LRP1B: variants seen among roughly 807,000 people sequenced by gnomAD.
LRP1B encodes low-density lipoprotein receptor-related protein 1B.
A neutral mutation model predicts 556.6 loss-of-function variants in LRP1B; 217 were observed. That is an observed-to-expected ratio of 0.39 (90% CI 0.35 to 0.44). The LOEUF is 0.44. LRP1B is among the 20% of genes least tolerant of loss of function. The pLI is 1.00. For synonymous variants in LRP1B, 2,047 were observed against 1,865.8 expected, an observed-to-expected ratio of 1.10 and a Z score of -2.50; for missense variants, 5,053 against 5,620.8, an observed-to-expected ratio of 0.90 and a Z score of 3.23.
Position 141,295,847 on chromosome 2 carries a change from C to G in LRP1B, c.344-41206G>C, listed in dbSNP as rs144802910. Among the ~76,000 whole-genome samples, 513 of 150,884 alleles carry G rather than the reference C, an allele frequency of 3.4e-3. 3 individuals carry two copies. Among genetic ancestry groups the G allele is most frequent in the African/African-American group, 0.012 (488 of 41,114 alleles). ...GCCAAGCTTAATTTTCTGTTGCTGACTTCAGAAGACCTCTTTCAAAGTATG... is the reference window on the plus strand; with the variant it reads ...GCCAAGCTTAATTTTCTGTTGCTGAGTTCAGAAGACCTCTTTCAAAGTATG... On this transcript the variant is annotated intron_variant, in intron 3 of 90. Coordinates refer to ENST00000389484, the MANE Select transcript of LRP1B (RefSeq NM_018557.3).
intron 3 of LRP1B, among the ~76,000 whole-genome samples, chr2:141,259,018 G>T (rs1684587527): frequency 6.6e-6 from 1 of 152,130 alleles, no homozygotes; most frequent in Admixed American, 6.6e-5. Flanking sequence ...TTGCAAAAGA[G>T]AGTATTATTA....
At chr2:140,945,463 A>G (rs1409003437) in intron 20 of LRP1B, among the ~76,000 whole-genome samples, 4 of 152,174 alleles carry the variant, frequency 2.6e-5, no homozygotes, top group African/African-American at 9.7e-5. Flanking sequence ...AAACTATACT[A>G]CAAGGCTACA....
intron 1 of LRP1B, among the ~76,000 whole-genome samples, chr2:141,840,237 A>T (rs1380021306): frequency 1.3e-5 from 2 of 148,626 alleles, no homozygotes. Flanking sequence ...TCATTAGGTC[A>T]TCGTATTAGA....
chr2:141,158,676 G>T (rs532829314), intron 7 of LRP1B, among the ~76,000 whole-genome samples: 1 of 152,084 alleles, frequency 6.6e-6, no homozygotes, highest in African/African-American at 2.4e-5. Flanking sequence ...GTACTAAGCA[G>T]CTACAGTATA....
Position 140,233,342 on chromosome 2 carries a change from A to T in LRP1B, c.13660-16T>A. The T allele has an allele frequency of 1.9e-6, 3 of 1,548,098 alleles. No individual in the cohort carries two copies. Among genetic ancestry groups the T allele is most frequent in the South Asian group, 1.2e-5 (1 of 81,772 alleles). ...AATTTGTTGGCTGAAGGAGAAAAAA[A>T]ATAAATATAATTTTATTACTGGTCT... is the stretch of plus-strand genomic sequence containing the variant. On this transcript the variant is annotated splice_polypyrimidine_tract_variant and intron_variant, in intron 90 of 90. Coordinates refer to ENST00000389484, the MANE Select transcript of LRP1B (RefSeq NM_018557.3).
chr2:141,760,010 T>G (rs1694477852), intron 2 of LRP1B, among the ~76,000 whole-genome samples: 1 of 152,130 alleles, frequency 6.6e-6, no homozygotes, highest in Admixed American at 6.5e-5. Flanking sequence ...GCGTCTATAA[T>G]CCCAGCTACT....
chr2:141,147,808 A>C (rs929471179), intron 7 of LRP1B, among the ~76,000 whole-genome samples: 1 of 152,194 alleles, frequency 6.6e-6, no homozygotes, highest in African/African-American at 2.4e-5. Flanking sequence ...GCCAATGATA[A>C]ACTGCATACA....
chr2:140,519,685 T>C (rs565646912), intron 49 of LRP1B, among the ~76,000 whole-genome samples: 1 of 152,246 alleles, frequency 6.6e-6, no homozygotes, highest in South Asian at 2.1e-4. Flanking sequence ...ACCTACAGAA[T>C]GGGAGAAAAT....
chr2:142,079,589 C>T (rs113614621), intron 1 of LRP1B, among the ~76,000 whole-genome samples: 5,241 of 152,014 alleles, frequency 0.034, 301 homozygotes, highest in African/African-American at 0.12. Context: ...CTCACTGCAA[C>T]CTCCGCCTCC....
At chr2:140,354,633 G>C (rs1356367120) in intron 75 of LRP1B, among the ~76,000 whole-genome samples, 1 of 151,916 alleles carries the variant, frequency 6.6e-6, no homozygotes, top group Admixed American at 6.6e-5. Flanking sequence ...TATTCTGCAT[G>C]ATTTCATACA....
chr2:141,138,949 C>A (rs1160486742), intron 7 of LRP1B, among the ~76,000 whole-genome samples: 2 of 151,718 alleles, frequency 1.3e-5, no homozygotes, highest in African/African-American at 2.4e-5. Context: ...ATAAGAGTGC[C>A]TAATTTTAAG....
chr2:141,208,752 C>T (rs1399171588), intron 6 of LRP1B, among the ~76,000 whole-genome samples: 2 of 151,478 alleles, frequency 1.3e-5, no homozygotes, highest in Admixed American at 6.6e-5. Context: ...GCCTGTAGTC[C>T]CAGCTACTGG....
intron 3 of LRP1B, among the ~76,000 whole-genome samples, chr2:141,319,040 T>C (rs1232902846): frequency 6.6e-6 from 1 of 152,082 alleles, no homozygotes; most frequent in African/African-American, 2.4e-5. Context: ...GTCTTCCAAT[T>C]GTAAGAGACC....
At chr2:141,387,819 G>A (rs1025313410) in intron 3 of LRP1B, among the ~76,000 whole-genome samples, 5 of 152,082 alleles carry the variant, frequency 3.3e-5, no homozygotes, top group African/African-American at 7.2e-5. Flanking sequence ...AATGAGATAT[G>A]TATTTCCTAA....
chr2:142,082,661 A>G (rs956800), intron 1 of LRP1B, among the ~76,000 whole-genome samples: 37,296 of 152,140 alleles, frequency 0.25, 4,871 homozygotes, highest in Non-Finnish European at 0.26. Flanking sequence ...GTGACACCAG[A>G]CAAGCTCAAT....
At chr2:141,785,721 GTTCT>G (rs1008778924) in intron 2 of LRP1B, among the ~76,000 whole-genome samples, 1 of 151,000 alleles carries the variant, frequency 6.6e-6, no homozygotes, top group Admixed American at 6.7e-5. Context: ...TCCGTATATA[GTTCT>G]TTCTATTCTT....
intron 25 of LRP1B, 114 bp from the exon 26 acceptor site, chr2:140,868,377 G>T: frequency 1.1e-6 from 1 of 944,490 alleles, no homozygotes; most frequent in East Asian, 2.8e-5. Context: ...AGTCACAAGA[G>T]AAACAGATGT....
chr2:141,217,943 AAAG>A (rs1274680906), intron 6 of LRP1B, among the ~76,000 whole-genome samples: 2 of 152,170 alleles, frequency 1.3e-5, no homozygotes, highest in African/African-American at 4.8e-5. Flanking sequence ...AGACACTTCA[AAAG>A]AAGATATACA....
chr2:140,755,777 A>C (rs1463434947), intron 35 of LRP1B, among the ~76,000 whole-genome samples: 1 of 152,064 alleles, frequency 6.6e-6, no homozygotes, highest in Admixed American at 6.6e-5. Context: ...AACAAGAATA[A>C]GACAAGAATG....
Sources: allele counts gnomAD v4.1 joint callset (sites outside exome capture counted in the v4.1 genomes callset), GRCh38; gene constraint gnomAD v4.1.1; transcripts MANE v1.5; gene names NCBI Gene and HGNC (gene_info 2026-07-23, HGNC 2026-07-21).